PEBP4: variants seen among roughly 807,000 people sequenced by gnomAD.
The protein encoded by PEBP4 is phosphatidylethanolamine binding protein 4.
Under a neutral mutation model 23.9 loss-of-function variants are expected in PEBP4, and 22 were observed. That is an observed-to-expected ratio of 0.92 (90% CI 0.66 to 1.31). The LOEUF is 1.31. PEBP4 is among the 40% of genes most tolerant of loss of function. PEBP4 has a pLI of 0.00. For missense variants in PEBP4, 324 were observed against 281.7 expected (o/e 1.15, Z -1.07); for synonymous variants, 112 against 99.3 (o/e 1.13, Z -0.76).
chr8:22,917,662 C>T (rs1446371845), intron 3 of PEBP4, among the ~76,000 whole-genome samples: 1 of 152,184 alleles, frequency 6.6e-6, no homozygotes, highest in Non-Finnish European at 1.5e-5. Flanking sequence ...ATCCTTTCAC[C>T]CTTATCTGAT....
chr8:22,907,461 G>A (rs1051509425), intron 3 of PEBP4, among the ~76,000 whole-genome samples: 1 of 152,108 alleles, frequency 6.6e-6, no homozygotes, highest in African/African-American at 2.4e-5. Flanking sequence ...GCAGTGAGTC[G>A]AGATCGTGCC....
chr8:22,918,617 C>A lies in PEBP4; in HGVS notation c.258+1567G>T, dbSNP rs983428818. ...GCATCATCAGCACGCGGAAGGGAGCCCTTTGGGGAGAATTCCCTTGGGACT... is the reference window on the plus strand; with the variant it reads ...GCATCATCAGCACGCGGAAGGGAGCACTTTGGGGAGAATTCCCTTGGGACT... On this transcript the variant is annotated intron_variant, in intron 3 of 6. Coordinates refer to ENST00000256404, the MANE Select transcript of PEBP4 (RefSeq NM_144962.3). 3.9e-5 allele frequency among the ~76,000 whole-genome samples: 6 copies of A among 152,228 alleles called. No homozygotes were observed. In the South Asian group the frequency reaches 6.2e-4, roughly 16 times the overall value.
chr8:22,885,895 A>T (rs555907508), intron 3 of PEBP4: 1 of 152,298 alleles, frequency 6.6e-6, no homozygotes, highest in African/African-American at 2.4e-5. Flanking sequence ...CCACCCCAAG[A>T]ACCGGCCTCC....
At chr8:22,786,346 G>C (rs1046271036) in intron 4 of PEBP4, among the ~76,000 whole-genome samples, 2 of 151,862 alleles carry the variant, frequency 1.3e-5, no homozygotes, top group Non-Finnish European at 2.9e-5. Context: ...ACAGTGGTGT[G>C]ACCATAGCTC....
At chr8:22,857,600 G>A (rs1030215460) in intron 3 of PEBP4, among the ~76,000 whole-genome samples, 5 of 152,182 alleles carry the variant, frequency 3.3e-5, no homozygotes, top group Admixed American at 1.3e-4. Flanking sequence ...CTGATGTAAC[G>A]AGTCTTTCAT....
chr8:22,741,520 C>T (rs188762050), intron 4 of PEBP4, among the ~76,000 whole-genome samples: 256 of 152,346 alleles, frequency 1.7e-3, no homozygotes, highest in African/African-American at 5.8e-3. Context: ...CCACCTGGAG[C>T]TCACAGTTGG....
At chr8:22,866,752 TTTC>T (rs1273509649) in intron 3 of PEBP4, among the ~76,000 whole-genome samples, 22 of 152,070 alleles carry the variant, frequency 1.4e-4, no homozygotes, top group African/African-American at 2.7e-4. Flanking sequence ...TGATTTTTGT[TTTC>T]TTCTTTTTTT....
intron 4 of PEBP4, among the ~76,000 whole-genome samples, chr8:22,787,755 G>A (rs1265106526): frequency 6.6e-6 from 1 of 152,140 alleles, no homozygotes; most frequent in East Asian, 1.9e-4. Flanking sequence ...ATTGTGCGAC[G>A]GTGCTAAGTT....
At chr8:22,916,647 C>T (rs1809079858) in intron 3 of PEBP4, among the ~76,000 whole-genome samples, 1 of 151,686 alleles carries the variant, frequency 6.6e-6, no homozygotes, top group Non-Finnish European at 1.5e-5. Flanking sequence ...TCCCACATGT[C>T]ATTCATTCAT....
chr8:22,893,378 G>A (rs947142987), intron 3 of PEBP4, among the ~76,000 whole-genome samples: 2 of 152,088 alleles, frequency 1.3e-5, no homozygotes, highest in Non-Finnish European at 2.9e-5. Flanking sequence ...ACCTAATGAA[G>A]TAAAAATCCA....
upstream of PEBP4, among the ~76,000 whole-genome samples, chr8:22,931,587 GTT>G (rs1563266231): frequency 2.9e-4 from 25 of 85,856 alleles, no homozygotes; most frequent in East Asian, 6.2e-4. Flanking sequence ...TTTTTTGTTT[GTT>G]TTTGTTTTTG....
chr8:22,868,487 A>G (rs1348527212), intron 3 of PEBP4, among the ~76,000 whole-genome samples: 3 of 151,890 alleles, frequency 2.0e-5, no homozygotes, highest in Non-Finnish European at 2.9e-5. Context: ...TTTCCTTTTT[A>G]TTCCCCACAG....
Position 22,769,500 on chromosome 8 carries a change from G to C in PEBP4, c.358-42280C>G, listed in dbSNP as rs144752292. ...TGAATAAGCAAAGACCTTCCCTGCT[G>C]TGTGCCTCAGTTTCCTTTCTGAGAC... On this transcript the variant is annotated intron_variant, in intron 4 of 6. Transcript: ENST00000256404. Among the ~76,000 whole-genome samples the C allele has an allele frequency of 5.1e-3, 776 of 152,256 alleles. 4 individuals carry two copies. The highest frequency in any genetic ancestry group is 8.0e-3 in the Non-Finnish European group (544 of 68,026).
chr8:22,777,419 G>A (rs1375736621), intron 4 of PEBP4, among the ~76,000 whole-genome samples: 4 of 152,174 alleles, frequency 2.6e-5, no homozygotes, highest in African/African-American at 7.2e-5. Context: ...AGCCCAGGGT[G>A]GGCCTGGCCT....
Position 22,816,882 on chromosome 8 carries a change from G to GA in PEBP4, c.357+754dup, listed in dbSNP as rs112166155. ...AGGATTCAATAATCAAATGCAACTG[G>GA]AAAATCAGTGTATATGATATAGAGC... On this transcript the variant is annotated intron_variant, in intron 4 of 6. Transcript: ENST00000256404. Among the ~76,000 whole-genome samples the GA allele has an allele frequency of 8.1e-3, 1,240 of 152,274 alleles. 16 individuals are homozygous for GA. The highest frequency in any genetic ancestry group is 0.028 in the African/African-American group (1,173 of 41,546).
chr8:22,877,876 G>A (rs944635386), intron 3 of PEBP4: 1 of 152,350 alleles, frequency 6.6e-6, no homozygotes, highest in Admixed American at 6.5e-5. Context: ...GTGAGAGAAC[G>A]GCTCCCCACC....
At chr8:22,835,701 A>G (rs976452706) in intron 3 of PEBP4, among the ~76,000 whole-genome samples, 1 of 152,238 alleles carries the variant, frequency 6.6e-6, no homozygotes, top group African/African-American at 2.4e-5. Flanking sequence ...TCATTCTGGT[A>G]CAGCTTAGGT....
At chr8:22,721,847 G>A (rs753462014) in intron 6 of PEBP4, among the ~76,000 whole-genome samples, 3 of 152,118 alleles carry the variant, frequency 2.0e-5, no homozygotes, top group East Asian at 1.9e-4. Flanking sequence ...CCTGGGCTCC[G>A]TAAGTCCCCA....
chr8:22,925,039 G>A (rs1477775109), intron 2 of PEBP4: 31 of 985,208 alleles, frequency 3.1e-5, no homozygotes, highest in Non-Finnish European at 3.6e-5. Context: ...AGCCTGAGCC[G>A]AGTGGGGATC....
Sources: allele counts gnomAD v4.1 joint callset (sites outside exome capture counted in the v4.1 genomes callset), GRCh38; gene constraint gnomAD v4.1.1; transcripts MANE v1.5; gene names NCBI Gene and HGNC (gene_info 2026-07-23, HGNC 2026-07-21).